The following VSX2 variants were observed in gnomAD, a reference collection of about 807,000 sequenced individuals.
VSX2 encodes ceh-10 homeo domain containing homolog.
VSX2 carries 28 observed loss-of-function variants against 32.1 expected under a neutral mutation model. The ratio of observed to expected loss-of-function variants is 0.87; its 90% CI spans 0.65 to 1.20. The LOEUF is 1.20. VSX2 is among the 50% of genes most tolerant of loss of function. The pLI is 0.00. For synonymous variants in VSX2, 243 were observed against 214.1 expected, an observed-to-expected ratio of 1.14 and a Z score of -1.18; for missense variants, 506 against 488.7, an observed-to-expected ratio of 1.04 and a Z score of -0.33.
chr14:74,247,307 G>A (rs1349368243), intron 3 of VSX2, among the ~76,000 whole-genome samples: 2 of 152,208 alleles, frequency 1.3e-5, no homozygotes, highest in Admixed American at 6.5e-5. Flanking sequence ...GGACAGGCAG[G>A]GTGGTACCAT....
rs1425514658 is a variant in VSX2, at chr14:74,249,469, C to T, written c.579+4181C>T. 2.3e-4 allele frequency among the ~76,000 whole-genome samples: 35 copies of T among 152,078 alleles called. 1 individual carries two copies. Among genetic ancestry groups the T allele is most frequent in the Admixed American group, 2.2e-3 (34 of 15,276 alleles). ...TATTTTTAGAGAGACGAGTTTTTGC[C>T]ACGTTGGCCAGGCTGGTCTCGAACT... On this transcript the variant is annotated intron_variant, in intron 3 of 4. Coordinates refer to ENST00000261980, the MANE Select transcript of VSX2 (RefSeq NM_182894.3).
chr14:74,241,875 G>A (rs1253619591), intron 2 of VSX2, among the ~76,000 whole-genome samples: 7 of 152,166 alleles, frequency 4.6e-5, no homozygotes, highest in African/African-American at 1.7e-4. Context: ...AGGCGATGTA[G>A]ACTGGACGGT....
intron 3 of VSX2, among the ~76,000 whole-genome samples, chr14:74,252,181 C>T (rs1028026620): frequency 6.6e-6 from 1 of 152,230 alleles, no homozygotes. Flanking sequence ...GGCATGGCCT[C>T]GGCTGTTCCT....
intron 2 of VSX2, 22 bp from the exon 3 acceptor site, chr14:74,245,143 T>A (rs1188592071): frequency 1.2e-6 from 2 of 1,613,040 alleles, no homozygotes; most frequent in Non-Finnish European, 8.5e-7. Flanking sequence ...GGGTCCTGAG[T>A]GTTCGGTCTT....
At chr14:74,257,313 C>T (rs1230491020) in intron 3 of VSX2, among the ~76,000 whole-genome samples, 4 of 152,210 alleles carry the variant, frequency 2.6e-5, no homozygotes, top group Admixed American at 6.5e-5. Context: ...CCAGGGTGGT[C>T]AGGTCCGGAC....
chr14:74,240,553 C>T (rs893301650), intron 1 of VSX2, among the ~76,000 whole-genome samples: 3 of 152,156 alleles, frequency 2.0e-5, no homozygotes, highest in African/African-American at 7.2e-5. Context: ...CCGCCTTCTC[C>T]CCGCGCTGCT....
intron 3 of VSX2, among the ~76,000 whole-genome samples, chr14:74,247,045 C>T (rs943464374): frequency 8.6e-5 from 13 of 151,972 alleles, no homozygotes; most frequent in African/African-American, 2.9e-4. Flanking sequence ...GAGAGCTCAT[C>T]GCCCTGGGAC....
chr14:74,248,865 T>A (rs1339532476), intron 3 of VSX2, among the ~76,000 whole-genome samples: 1 of 152,088 alleles, frequency 6.6e-6, no homozygotes, highest in African/African-American at 2.4e-5. Flanking sequence ...AAGAAAGAGG[T>A]GAGATCCCTT....
At position 74,245,240 on chromosome 14, in the gene VSX2, C is replaced by T. The variant is rs746590938; in HGVS notation, c.531C>T (p.Ala177=). 15 of 1,613,588 alleles carry T rather than the reference C, an allele frequency of 9.3e-6. No homozygotes were observed. In the East Asian group the frequency reaches 3.3e-4, roughly 36 times the overall value. The part of the protein sequence containing the change: ...FNEAHYPDVY[A]REMLAMKTEL... The stretch of plus-strand genomic sequence containing the variant: ...AAGCCCACTACCCAGACGTCTATGC[C>T]CGGGAGATGCTGGCCATGAAAACGG... The change falls in exon 3 of 5, where the codon GCC becomes GCT. Residue 177 remains alanine, a synonymous_variant. Coordinates refer to ENST00000261980, the MANE Select transcript of VSX2 (RefSeq NM_182894.3).
chr14:74,254,783 G>GTTTTTTTTTTTTTTTTTTTT (rs1566887118), intron 3 of VSX2, among the ~76,000 whole-genome samples: 3 of 72,368 alleles, frequency 4.1e-5, no homozygotes, highest in African/African-American at 2.1e-4. Context: ...CCGAAAAGTG[G>GTTTTTTTTTTTTTTTTTTTT]ATTTTTTTTT....
chr14:74,248,922 T>C (rs541837077), intron 3 of VSX2, among the ~76,000 whole-genome samples: 3 of 152,248 alleles, frequency 2.0e-5, no homozygotes, highest in Admixed American at 2.0e-4. Flanking sequence ...GCCCCTGGGC[T>C]GCCATTGGTA....
At chr14:74,243,588 T>C (rs1161473292) in intron 2 of VSX2, among the ~76,000 whole-genome samples, 1 of 152,172 alleles carries the variant, frequency 6.6e-6, no homozygotes, top group East Asian at 1.9e-4. Context: ...TTCTTTATTG[T>C]TTATTTTGAT....
Position 74,261,009 on chromosome 14 carries a change from A to T in VSX2, c.*90A>T. On this transcript the variant is annotated 3_prime_UTR_variant, in exon 5 of 5. Transcript: ENST00000261980. ...AGATGCTCTCTGAGGCAAGGCCCAG[A>T]CCTGGCCTCTGCCATCCTCCCTGTT... 6.9e-7 allele frequency: 1 copy of T among 1,450,218 alleles called. No individual in the cohort carries two copies. The highest frequency in any genetic ancestry group is 1.2e-5 in the South Asian group (1 of 80,780). 89.8% of individuals were successfully genotyped at this position (1,450,218 alleles called of 1,614,324 possible).
intron 3 of VSX2, among the ~76,000 whole-genome samples, chr14:74,252,547 C>T (rs180818708): frequency 3.3e-5 from 5 of 151,944 alleles, no homozygotes; most frequent in South Asian, 4.2e-4. Flanking sequence ...TGCACCACGA[C>T]GCTCACCTAA....
At chr14:74,256,294 G>A (rs902875409) in intron 3 of VSX2, among the ~76,000 whole-genome samples, 1 of 152,164 alleles carries the variant, frequency 6.6e-6, no homozygotes, top group Non-Finnish European at 1.5e-5. Context: ...AGCTCGGTGT[G>A]GTGGCGGGCA....
intron 3 of VSX2, among the ~76,000 whole-genome samples, chr14:74,251,156 A>G (rs911794880): frequency 2.6e-5 from 4 of 151,968 alleles, no homozygotes; most frequent in Non-Finnish European, 5.9e-5. Flanking sequence ...CTCTACTAAA[A>G]ATACAAAATT....
chr14:74,253,941 T>TAAAGA lies in VSX2; in HGVS notation c.580-5647_580-5643dup, dbSNP rs771453264. ...GCGAAAATCCGTCAAAAAAAGAAAG[T>TAAAGA]AAAGAAAAGAAAAGAAAAAGAAATG... On this transcript the variant is annotated intron_variant, in intron 3 of 4. Coordinates refer to ENST00000261980, the MANE Select transcript of VSX2 (RefSeq NM_182894.3). Among the ~76,000 whole-genome samples, 8 of 150,084 alleles carry TAAAGA rather than the reference T, an allele frequency of 5.3e-5. No individual in the cohort carries two copies. The East Asian group carries it at 8.0e-4, about 15-fold the overall frequency.
At chr14:74,240,038 T>G in intron 1 of VSX2, 107 bp downstream of exon 1, 1 of 1,444,912 alleles carries the variant, frequency 6.9e-7, no homozygotes, top group Non-Finnish European at 9.2e-7. Flanking sequence ...GAAAAGTTCC[T>G]GCCAGGCCGG....
At chr14:74,252,202 C>T (rs1355725638) in intron 3 of VSX2, among the ~76,000 whole-genome samples, 3 of 152,156 alleles carry the variant, frequency 2.0e-5, no homozygotes, top group Non-Finnish European at 4.4e-5. Flanking sequence ...GCTGATTGCC[C>T]ACGTCGAGAA....
Sources: allele counts gnomAD v4.1 joint callset (sites outside exome capture counted in the v4.1 genomes callset), GRCh38; gene constraint gnomAD v4.1.1; transcripts MANE v1.5; gene names NCBI Gene and HGNC (gene_info 2026-07-23, HGNC 2026-07-21).